Variants in HOGA1 observed in about 807,000 individuals in gnomAD.
HOGA1 encodes the protein 4-hydroxy-2-oxoglutarate aldolase 1.
In HOGA1, 30 loss-of-function variants were observed where a neutral mutation model predicts 34.3. That is an observed-to-expected ratio of 0.87 (90% CI 0.65 to 1.19). The LOEUF is 1.19. Among genes scored for constraint, HOGA1 ranks in the 50% most tolerant of loss-of-function variants. The pLI is 0.00. For synonymous variants in HOGA1, 161 were observed against 174.0 expected (o/e 0.93, Z 0.59); for missense variants, 417 against 436.5 (o/e 0.96, Z 0.40).
At chr10:97,607,012 A>G (rs4519024) in intron 6 of HOGA1, among the ~76,000 whole-genome samples, 98,609 of 151,718 alleles carry the variant, frequency 0.65, 32,802 homozygotes, top group Non-Finnish European at 0.73. Context: ...GCTCACGCCT[A>G]TAATCTTAGC....
At chr10:97,590,935 C>T in intron 1 of HOGA1, 1 of 254,364 alleles carries the variant, frequency 3.9e-6, no homozygotes, top group Admixed American at 5.0e-5. Flanking sequence ...TGTGCCTTCA[C>T]TCTGAGTCCA....
At chr10:97,599,584 G>T in intron 3 of HOGA1, 96 bp from the exon 4 acceptor site, 1 of 1,524,820 alleles carries the variant, frequency 6.6e-7, no homozygotes, top group Non-Finnish European at 9.0e-7. Context: ...TGGCCCTGTA[G>T]TGAAGCAGGC....
chr10:97,605,750 T>C (rs571000314), intron 6 of HOGA1, among the ~76,000 whole-genome samples: 6 of 152,174 alleles, frequency 3.9e-5, no homozygotes, highest in Admixed American at 6.5e-5. Flanking sequence ...CAGTCAACTA[T>C]CTATATTTCT....
chr10:97,601,797 G>A (rs1490985779), intron 5 of HOGA1, 60 bp from the exon 6 acceptor site: 1 of 1,607,382 alleles, frequency 6.2e-7, no homozygotes, highest in Non-Finnish European at 8.5e-7. Flanking sequence ...CTGGGACCAG[G>A]GCTTGGGATG....
Position 97,591,593 on chromosome 10 carries a change from CT to C in HOGA1, c.211+6687del, listed in dbSNP as rs573183439. ...CTATTTAACCTGATCATCTTGGGTT[CT>C]TTTTTTTCTTTTCCCTTTTTTTCTT... On this transcript the variant is annotated intron_variant, in intron 1 of 6. Transcript: ENST00000370646. 1.6e-3 allele frequency among the ~76,000 whole-genome samples: 237 copies of C among 151,718 alleles called. 1 individual carries two copies. The highest frequency in any genetic ancestry group is 5.5e-3 in the African/African-American group (229 of 41,370).
In HOGA1 at chr10:97,593,029, C is replaced by CAAA. The variant is rs1169191059; in HGVS notation, c.212-5726_212-5724dup. On this transcript the variant is annotated intron_variant, in intron 1 of 6. Transcript: ENST00000370646. ...TGGGCGACAGAGTGAGACTCTGTCT[C>CAAA]AAAAAAAAAAAAAAAAAAAAAAGAG... Among the ~76,000 whole-genome samples the CAAA allele has an allele frequency of 2.8e-3, 132 of 47,698 alleles. 5 individuals carry two copies. The highest frequency in any genetic ancestry group is 5.7e-3 in the African/African-American group (65 of 11,374). 31.3% of individuals were successfully genotyped at this position (47,698 alleles called of 152,430 possible). A position where few individuals can be genotyped will look rare whatever the true frequency, so the allele number is the denominator to read the frequency against.
intron 1 of HOGA1, among the ~76,000 whole-genome samples, chr10:97,586,116 G>A (rs138676760): frequency 5.0e-4 from 71 of 141,298 alleles, no homozygotes; most frequent in African/African-American, 1.8e-3. Context: ...TAGCCCGGGC[G>A]ACAGAGCAAG....
chr10:97,600,061 T>C lies in HOGA1; in HGVS notation c.604-6T>C. On this transcript the variant is annotated splice_polypyrimidine_tract_variant and splice_region_variant and intron_variant, in intron 4 of 6. Coordinates refer to ENST00000370646, the MANE Select transcript of HOGA1 (RefSeq NM_138413.4). ...CACAGCTCTCACACCACATTTGCTG[T>C]TGCAGGTGACCAGGATTGGGCTGAT... 6.2e-7 allele frequency: 1 copy of C among 1,613,708 alleles called. No individual in the cohort carries two copies. Among genetic ancestry groups the C allele is most frequent in the Non-Finnish European group, 8.5e-7 (1 of 1,179,634 alleles).
chr10:97,601,814 G>A, intron 5 of HOGA1, 43 bp from the exon 6 acceptor site: 2 of 1,611,686 alleles, frequency 1.2e-6, no homozygotes, highest in Non-Finnish European at 1.7e-6. Flanking sequence ...GATGCCTGGA[G>A]GGGAGAGGCT....
chr10:97,612,755 T>C lies in HOGA1; in HGVS notation c.*1096T>C, dbSNP rs2041207573. On this transcript the variant is annotated 3_prime_UTR_variant, in exon 7 of 7. Transcript: ENST00000370646. ...TTGCCTACAGGCACTCTGCTTTTAT[T>C]ATTAAAAATAGTCACTTTGTTACTA... 6.6e-6 allele frequency: 1 copy of C among 152,224 alleles called. No homozygotes were observed. The highest frequency in any genetic ancestry group is 1.5e-5 in the Non-Finnish European group (1 of 68,042). The allele number at this position is 152,224 out of a possible 1,614,324, so 9.4% of individuals were successfully genotyped here.
rs75929214 is a variant in HOGA1, at chr10:97,599,649, C to T, written c.469-31C>T. The T allele has an allele frequency of 0.094, 152,008 of 1,612,930 alleles. 7,628 individuals carry two copies. The highest frequency in any genetic ancestry group is 0.13 in the Middle Eastern group (745 of 5,640). ...TCTTGGGACCTGGGGCGGCTGCCCT[C>T]TCCTGCTTTTCTCTGCGCCCCCCTC... On this transcript the variant is annotated intron_variant, in intron 3 of 6. Coordinates refer to ENST00000370646, the MANE Select transcript of HOGA1 (RefSeq NM_138413.4).
chr10:97,599,731 A>C lies in HOGA1; in HGVS notation c.520A>C (p.Thr174Pro). 1 of 1,614,074 alleles carries C rather than the reference A, an allele frequency of 6.2e-7. No individual in the cohort carries two copies. Among genetic ancestry groups the C allele is most frequent in the Non-Finnish European group, 8.5e-7 (1 of 1,179,952 alleles). ...GGTGCTGTACAGTGTCCCAGCCAAC[A>C]CAGGGCTGGACCTGCCTGTGGATGC... ...PVVLYSVPANTGLDLPVDAVV... is the reference protein window; with the variant it reads ...PVVLYSVPANPGLDLPVDAVV... Residue 174 changes from threonine (T) to proline (P), a missense_variant, in exon 4 of 7, where the codon ACA (threonine) becomes CCA (proline). Coordinates refer to ENST00000370646, the MANE Select transcript of HOGA1 (RefSeq NM_138413.4).
At position 97,599,674 on chromosome 10, in the gene HOGA1, C is replaced by G. The variant is rs1410652487; in HGVS notation, c.469-6C>G. 16 of 1,613,870 alleles carry G rather than the reference C, an allele frequency of 9.9e-6. No homozygotes were observed. Among genetic ancestry groups the G allele is most frequent in the Non-Finnish European group, 1.4e-5 (16 of 1,179,998 alleles). ...CTCCTGCTTTTCTCTGCGCCCCCCT[C>G]CCCAGGTTGCTGATCTCTCTCCAAT... On this transcript the variant is annotated splice_region_variant and splice_polypyrimidine_tract_variant and intron_variant, in intron 3 of 6. Coordinates refer to ENST00000370646, the MANE Select transcript of HOGA1 (RefSeq NM_138413.4).
chr10:97,602,368 C>A (rs373517221), intron 6 of HOGA1: 5 of 1,195,618 alleles, frequency 4.2e-6, no homozygotes, highest in Middle Eastern at 7.6e-4. Context: ...TCCGTGCTAT[C>A]GGGGGCCAGG....
intron 1 of HOGA1, among the ~76,000 whole-genome samples, chr10:97,591,269 T>A (rs2041020676): frequency 6.6e-6 from 1 of 152,060 alleles, no homozygotes; most frequent in East Asian, 1.9e-4. Flanking sequence ...ATCTTTGCTC[T>A]CAAGTCATGT....
chr10:97,593,209 C>T (rs778006220), intron 1 of HOGA1, among the ~76,000 whole-genome samples: 14 of 152,014 alleles, frequency 9.2e-5, no homozygotes, highest in Non-Finnish European at 1.8e-4. Context: ...AACACGGCGG[C>T]TCACGCCTGT....
chr10:97,588,097 C>A (rs956509083), intron 1 of HOGA1, among the ~76,000 whole-genome samples: 6 of 152,162 alleles, frequency 3.9e-5, no homozygotes, highest in African/African-American at 1.2e-4. Context: ...CAGGCATGAG[C>A]CACCATGCCC....
At chr10:97,595,584 A>G (rs1025153866) in intron 1 of HOGA1, among the ~76,000 whole-genome samples, 4 of 152,136 alleles carry the variant, frequency 2.6e-5, no homozygotes, top group African/African-American at 7.2e-5. Flanking sequence ...AATCCCAGCT[A>G]CTCAGGAGGC....
In HOGA1 at chr10:97,592,771, G is replaced by A. The variant is rs188684115; in HGVS notation, c.212-6004G>A. Among the ~76,000 whole-genome samples, 145 of 151,922 alleles carry A rather than the reference G, an allele frequency of 9.5e-4. 2 individuals are homozygous for A. The highest frequency in any genetic ancestry group is 3.4e-3 in the African/African-American group (139 of 41,446). On this transcript the variant is annotated intron_variant, in intron 1 of 6. Transcript: ENST00000370646. ...AGGCTGGGCGTGGTGACTCCTGTCT[G>A]TAATCCCTGCACTTTGGGAGGCCGA...
Sources: allele counts gnomAD v4.1 joint callset (sites outside exome capture counted in the v4.1 genomes callset), GRCh38; gene constraint gnomAD v4.1.1; transcripts MANE v1.5; gene names NCBI Gene and HGNC (gene_info 2026-07-23, HGNC 2026-07-21).